Variants in CDK14 observed in about 807,000 individuals in gnomAD.
The protein encoded by CDK14 is cyclin dependent kinase 14.
CDK14 carries 34 observed loss-of-function variants against 60.7 expected under a neutral mutation model. That is an observed-to-expected ratio of 0.56 (90% CI 0.43 to 0.75). CDK14 has a LOEUF of 0.75. CDK14 is among the 30% of genes least tolerant of loss of function. The pLI is 0.00. For missense variants in CDK14, 482 were observed against 564.1 expected (o/e 0.85, Z 1.47); for synonymous variants, 197 against 203.7 (o/e 0.97, Z 0.28).
chr7:90,687,288 G>A (rs1801457483), intron 2 of CDK14, among the ~76,000 whole-genome samples: 1 of 151,998 alleles, frequency 6.6e-6, no homozygotes, highest in Non-Finnish European at 1.5e-5. Context: ...TCCTCAACAT[G>A]AGTCTATTAT....
At chr7:91,071,862 G>A (rs1230209949) in intron 11 of CDK14, among the ~76,000 whole-genome samples, 1 of 152,204 alleles carries the variant, frequency 6.6e-6, no homozygotes, top group East Asian at 1.9e-4. Context: ...GTCCCAAGAG[G>A]GATTCCCCAC....
chr7:91,051,326 A>T (rs992111641), intron 11 of CDK14, among the ~76,000 whole-genome samples: 3 of 152,218 alleles, frequency 2.0e-5, no homozygotes, highest in Non-Finnish European at 4.4e-5. Context: ...AAACTATATC[A>T]GAGTCTAACC....
In CDK14 at chr7:90,647,975, A is replaced by G. The variant is rs149415941; in HGVS notation, c.123+43726A>G. 2.8e-3 allele frequency among the ~76,000 whole-genome samples: 430 copies of G among 152,344 alleles called. 1 individual carries two copies. Among genetic ancestry groups the G allele is most frequent in the Non-Finnish European group, 4.9e-3 (330 of 68,032 alleles). ...AATCTTGTCCTTTTGACTAAGAATGAGAGAATTTATAATTGAAGAGGGTCC... is the reference window on the plus strand; with the variant it reads ...AATCTTGTCCTTTTGACTAAGAATGGGAGAATTTATAATTGAAGAGGGTCC... On this transcript the variant is annotated intron_variant, in intron 2 of 14. Coordinates refer to ENST00000380050, the MANE Select transcript of CDK14 (RefSeq NM_001287135.2).
chr7:90,671,624 G>A (rs1433166022), intron 2 of CDK14, among the ~76,000 whole-genome samples: 4 of 151,954 alleles, frequency 2.6e-5, no homozygotes, highest in Non-Finnish European at 5.9e-5. Context: ...ATGTTACTTG[G>A]GGTGGCTCAA....
At chr7:90,984,437 A>T (rs539929742) in intron 10 of CDK14, among the ~76,000 whole-genome samples, 196 bp downstream of exon 10, 1 of 152,230 alleles carries the variant, frequency 6.6e-6, no homozygotes, top group South Asian at 2.1e-4. Context: ...CGTGAATAAC[A>T]TGTCAAAGTG....
At chr7:90,883,486 C>A (rs1367246153) in intron 6 of CDK14, among the ~76,000 whole-genome samples, 1 of 152,168 alleles carries the variant, frequency 6.6e-6, no homozygotes, top group Admixed American at 6.5e-5. Context: ...CAGATGGATT[C>A]ACAGCTGAAT....
chr7:90,720,750 C>CT (rs1387033851), intron 2 of CDK14, among the ~76,000 whole-genome samples: 1 of 151,920 alleles, frequency 6.6e-6, no homozygotes, highest in Non-Finnish European at 1.5e-5. Flanking sequence ...TATAGATCTA[C>CT]TTATTTAGAT....
intron 4 of CDK14, among the ~76,000 whole-genome samples, chr7:90,777,016 T>TAA (rs11370384): frequency 2.0e-5 from 3 of 147,880 alleles, no homozygotes; most frequent in Non-Finnish European, 4.5e-5. Context: ...CGAAGTTAGT[T>TAA]AAAAAAAAAA....
At chr7:90,761,355 T>C (rs1804306180) in intron 4 of CDK14, among the ~76,000 whole-genome samples, 1 of 151,092 alleles carries the variant, frequency 6.6e-6, no homozygotes, top group African/African-American at 2.4e-5. Flanking sequence ...AAAGAGTTAG[T>C]GTAGAAATGT....
chr7:90,736,003 A>G (rs1029303556), intron 3 of CDK14, among the ~76,000 whole-genome samples: 2 of 152,208 alleles, frequency 1.3e-5, no homozygotes, highest in African/African-American at 2.4e-5. Context: ...ACACTGTGGT[A>G]AAAGCACAGT....
chr7:91,042,725 C>G (rs927827352), intron 10 of CDK14, among the ~76,000 whole-genome samples: 1 of 152,126 alleles, frequency 6.6e-6, no homozygotes, highest in African/African-American at 2.4e-5. Flanking sequence ...GTTCGTGGCA[C>G]CTCAGTTGCA....
At chr7:91,190,345 A>G (rs1038112617) in intron 14 of CDK14, among the ~76,000 whole-genome samples, 7 of 152,216 alleles carry the variant, frequency 4.6e-5, no homozygotes, top group African/African-American at 1.7e-4. Context: ...GGCTCAGGGA[A>G]GCTGGGAAAG....
intron 5 of CDK14, among the ~76,000 whole-genome samples, chr7:90,826,956 G>C (rs912543659): frequency 3.4e-5 from 1 of 29,332 alleles, no homozygotes; most frequent in Non-Finnish European, 5.8e-5. Flanking sequence ...TTTGACAAGT[G>C]CATGATGTAT....
intron 11 of CDK14, among the ~76,000 whole-genome samples, chr7:91,074,604 G>A (rs1422220095): frequency 6.6e-6 from 1 of 152,088 alleles, no homozygotes; most frequent in Non-Finnish European, 1.5e-5. Context: ...AGAAGCAAGA[G>A]CAAACAAATC....
chr7:91,144,665 T>G (rs1800571893), intron 14 of CDK14, among the ~76,000 whole-genome samples: 2 of 152,190 alleles, frequency 1.3e-5, no homozygotes, highest in African/African-American at 4.8e-5. Flanking sequence ...AGTCTCATAG[T>G]AAAAGTAGTT....
At chr7:90,926,044 C>T (rs1793406621) in intron 8 of CDK14, among the ~76,000 whole-genome samples, 2 of 151,982 alleles carry the variant, frequency 1.3e-5, no homozygotes, top group Non-Finnish European at 2.9e-5. Flanking sequence ...TAACATTGTG[C>T]CTGTTACTTA....
intron 2 of CDK14, among the ~76,000 whole-genome samples, chr7:90,609,417 G>A (rs922287424): frequency 2.0e-5 from 3 of 152,284 alleles, no homozygotes; most frequent in Admixed American, 6.5e-5. Flanking sequence ...GGCCTGGTGG[G>A]AGGTGATTGG....
chr7:91,116,478 T>A (rs1334111022), intron 13 of CDK14, among the ~76,000 whole-genome samples: 1 of 152,204 alleles, frequency 6.6e-6, no homozygotes, highest in African/African-American at 2.4e-5. Flanking sequence ...GGGACCTTTC[T>A]AGCTCTAGAG....
intron 14 of CDK14, among the ~76,000 whole-genome samples, chr7:91,126,418 T>C (rs2116408059): frequency 6.6e-6 from 1 of 152,202 alleles, no homozygotes; most frequent in South Asian, 2.1e-4. Context: ...AAAATATGCC[T>C]GAGAAAAAAA....
Sources: allele counts gnomAD v4.1 joint callset (sites outside exome capture counted in the v4.1 genomes callset), GRCh38; gene constraint gnomAD v4.1.1; transcripts MANE v1.5; gene names NCBI Gene and HGNC (gene_info 2026-07-23, HGNC 2026-07-21).